CADPS: variants seen among roughly 807,000 people sequenced by gnomAD.
CADPS encodes the protein calcium-dependent secretion activator 1.
A neutral mutation model predicts 167.3 loss-of-function variants in CADPS; 57 were observed. The ratio of observed to expected loss-of-function variants is 0.34; its 90% CI spans 0.28 to 0.42. The LOEUF is 0.42. Among genes scored for constraint, CADPS ranks in the 20% least tolerant of loss-of-function variants. The probability of loss-of-function intolerance (pLI) is 1.00; values close to 1 mark genes in which losing one functional copy is unlikely to be tolerated. For missense variants in CADPS, 1,414 were observed against 1,738.1 expected, an observed-to-expected ratio of 0.81 and a Z score of 3.32; for synonymous variants, 676 against 635.3, an observed-to-expected ratio of 1.06 and a Z score of -0.96.
chr3:62,526,514 T>C (rs2072268457), intron 13 of CADPS, among the ~76,000 whole-genome samples: 1 of 152,216 alleles, frequency 6.6e-6, no homozygotes, highest in Non-Finnish European at 1.5e-5. Flanking sequence ...CAGAGCTGTT[T>C]GATTGCCTTG....
chr3:62,534,972 CT>C (rs1308445379), intron 12 of CADPS, among the ~76,000 whole-genome samples: 2 of 152,104 alleles, frequency 1.3e-5, no homozygotes, highest in East Asian at 3.9e-4. Context: ...CATTTATAAA[CT>C]CTCCTTCACA....
intron 1 of CADPS, among the ~76,000 whole-genome samples, chr3:62,799,975 G>T (rs910121670): frequency 6.6e-6 from 1 of 152,172 alleles, no homozygotes; most frequent in Non-Finnish European, 1.5e-5. Context: ...GGATAATAAG[G>T]ATAATGTTTC....
chr3:62,768,405 A>T (rs1356883604), intron 1 of CADPS, among the ~76,000 whole-genome samples: 1 of 152,132 alleles, frequency 6.6e-6, no homozygotes, highest in Non-Finnish European at 1.5e-5. Context: ...GGAGGCCTAT[A>T]GACCTCGCTT....
At chr3:62,711,053 G>T (rs4688325) in intron 3 of CADPS, among the ~76,000 whole-genome samples, 92,873 of 151,880 alleles carry the variant, frequency 0.61, 28,788 homozygotes, top group East Asian at 0.84. Flanking sequence ...ATTGGGATTT[G>T]TAATTTCTTT....
rs745825085 is a variant in CADPS at position 62,491,548 on chromosome 3, CACACACACAA to C, written c.2885-78_2885-69del. ...TTTATCAACGTACAACACACACACA[CACACACACAA>C]ACACACACACACACACACACACACA... On this transcript the variant is annotated intron_variant, in intron 20 of 29. Transcript: ENST00000383710. 3,539 of 1,108,806 alleles carry C rather than the reference CACACACACAA, an allele frequency of 3.2e-3. 10 individuals are homozygous for C. Among genetic ancestry groups the C allele is most frequent in the East Asian group, 9.0e-3 (372 of 41,394 alleles). The allele number at this position is 1,108,806 out of a possible 1,614,324, so 68.7% of individuals were successfully genotyped here. A position where few individuals can be genotyped will look rare whatever the true frequency, so the allele number is the denominator to read the frequency against.
chr3:62,430,560 G>C (rs1000081093), intron 28 of CADPS, among the ~76,000 whole-genome samples: 6 of 152,080 alleles, frequency 3.9e-5, no homozygotes, highest in Non-Finnish European at 7.4e-5. Context: ...GAAGTATCCT[G>C]AGGTTCACTT....
At chr3:62,607,477 C>T (rs1249857326) in intron 6 of CADPS, among the ~76,000 whole-genome samples, 1 of 152,230 alleles carries the variant, frequency 6.6e-6, no homozygotes, top group Non-Finnish European at 1.5e-5. Context: ...GAGCCTCCCA[C>T]ATGGAAGCAA....
intron 3 of CADPS, among the ~76,000 whole-genome samples, chr3:62,675,520 T>TA (rs2076205756): frequency 6.6e-6 from 1 of 152,172 alleles, no homozygotes; most frequent in African/African-American, 2.4e-5. Flanking sequence ...GACCTTGGCT[T>TA]AGAGGAGGGA....
intron 6 of CADPS, among the ~76,000 whole-genome samples, chr3:62,619,382 G>C (rs909183213): frequency 2.0e-5 from 3 of 151,970 alleles, no homozygotes; most frequent in African/African-American, 7.2e-5. Flanking sequence ...AAATATTCTG[G>C]TTTTAAAAGC....
At chr3:62,486,130 A>G (rs2150960605) in intron 21 of CADPS, among the ~76,000 whole-genome samples, 1 of 152,336 alleles carries the variant, frequency 6.6e-6, no homozygotes, top group African/African-American at 2.4e-5. Context: ...TCTTAAATAT[A>G]TACAATAAAA....
chr3:62,671,172 A>C (rs2075441199), intron 3 of CADPS, among the ~76,000 whole-genome samples: 1 of 152,210 alleles, frequency 6.6e-6, no homozygotes, highest in South Asian at 2.1e-4. Context: ...CTCATAAAGC[A>C]CTTAGCATCA....
chr3:62,400,193 T>C (rs1020152908), intron 29 of CADPS, among the ~76,000 whole-genome samples: 7 of 152,212 alleles, frequency 4.6e-5, no homozygotes, highest in Admixed American at 3.9e-4. Context: ...CTTCTCTCCT[T>C]GGGAAAGAAC....
intron 9 of CADPS, among the ~76,000 whole-genome samples, chr3:62,563,477 C>T (rs1333378907): frequency 1.3e-5 from 2 of 151,806 alleles, no homozygotes; most frequent in Non-Finnish European, 2.9e-5. Context: ...AACAGAGGAG[C>T]CATGTTGGTT....
intron 1 of CADPS, among the ~76,000 whole-genome samples, chr3:62,833,089 G>C (rs547982921): frequency 6.6e-6 from 1 of 152,096 alleles, no homozygotes; most frequent in Non-Finnish European, 1.5e-5. Context: ...TTAATGACTG[G>C]CTTTAGAGAA....
intron 4 of CADPS, among the ~76,000 whole-genome samples, chr3:62,651,786 G>A (rs760248417): frequency 4.7e-4 from 71 of 152,062 alleles, no homozygotes; most frequent in Non-Finnish European, 9.3e-4. Flanking sequence ...AATGTGCTTT[G>A]GATCAATCAC....
At chr3:62,548,266 T>A (rs2076810082) in intron 11 of CADPS, among the ~76,000 whole-genome samples, 1 of 152,202 alleles carries the variant, frequency 6.6e-6, no homozygotes. Context: ...GTATGATTTA[T>A]CTTGACTAAT....
Position 62,557,489 on chromosome 3 carries a change from A to G in CADPS, c.1669T>C (p.Cys557Arg). The G allele has an allele frequency of 6.2e-7, 1 of 1,613,958 alleles. No homozygotes were observed. The highest frequency in any genetic ancestry group is 8.5e-7 in the Non-Finnish European group (1 of 1,179,844). ...TCCGCTTTCTTCTCCCGATAACTGC[A>G]CATGGCAAACGTGTACTGACTGACC... ...VQVSQYTFAM[C>R]SYREKKAEPQ... Residue 557 changes from cysteine to arginine, a missense_variant, in exon 10 of 30, where the codon TGC (cysteine) becomes CGC (arginine). By Grantham distance (180) the Cys-to-Arg change is radical (BLOSUM62 -3). This residue lies in a region of CADPS where 157 missense variants were observed against 229.4 expected (regional missense o/e 0.68). Transcript: ENST00000383710.
intron 8 of CADPS, among the ~76,000 whole-genome samples, chr3:62,582,031 CTCAT>C (rs2083526306): frequency 6.6e-6 from 1 of 152,304 alleles, no homozygotes; most frequent in South Asian, 2.1e-4. Context: ...GGCCCAGTGG[CTCAT>C]TCAAAGAACC....
rs2051470533 is a variant in CADPS at position 62,421,801 on chromosome 3, G to T, written c.3777+16303C>A. Among the ~76,000 whole-genome samples, 1 of 152,102 alleles carries T rather than the reference G, an allele frequency of 6.6e-6. No individual in the cohort carries two copies. Among genetic ancestry groups the T allele is most frequent in the Non-Finnish European group, 1.5e-5 (1 of 68,026 alleles). ...GGATGGAGGGATGCCCCGGGTCTGG[G>T]TTTTTTTGGAGTGTGCTATTGTTTG... On this transcript the variant is annotated intron_variant, in intron 28 of 29. Transcript: ENST00000383710. This position sits in a 1 kb window ranked among gnomAD's most constrained non-coding sequence, Gnocchi z 4.7.
Sources: gnomAD v4.1 joint callset for allele counts (sites outside exome capture counted in the v4.1 genomes callset) on GRCh38, gnomAD v4.1.1 for gene constraint, gnomAD v4.1.1 regional missense constraint, Gnocchi (gnomAD v3.1) non-coding constraint, MANE v1.5 for transcripts, NCBI Gene and HGNC (gene_info 2026-07-23, HGNC 2026-07-21) for gene names.